The following FRZB variants were observed in gnomAD, a reference collection of about 807,000 sequenced individuals.
FRZB encodes the protein secreted frizzled-related protein 3.
Under a neutral mutation model 32.5 loss-of-function variants are expected in FRZB, and 34 were observed. That is an observed-to-expected ratio of 1.05 (90% CI 0.80 to 1.39). The LOEUF (loss-of-function observed/expected upper bound fraction) is 1.39. FRZB is among the 40% of genes most tolerant of loss of function. FRZB has a pLI of 0.00. For missense variants in FRZB, 423 were observed against 424.8 expected (o/e 1.00, Z 0.04); for synonymous variants, 170 against 159.2 (o/e 1.07, Z -0.51).
At chr2:182,850,690 G>C (rs80158525) in intron 2 of FRZB, among the ~76,000 whole-genome samples, 2,972 of 152,162 alleles carry the variant, frequency 0.02, 104 homozygotes, top group African/African-American at 0.067. Flanking sequence ...GTAAACATTG[G>C]AATACAGATA....
intron 3 of FRZB, 127 bp from the exon 4 acceptor site, chr2:182,838,740 A>C: frequency 1.4e-6 from 1 of 738,968 alleles, no homozygotes; most frequent in Non-Finnish European, 2.2e-6. Flanking sequence ...ATGGAACAGA[A>C]AAGTCAGCCA....
intron 1 of FRZB, among the ~76,000 whole-genome samples, chr2:182,860,195 A>T (rs1220720448): frequency 6.6e-6 from 1 of 152,236 alleles, no homozygotes; most frequent in Non-Finnish European, 1.5e-5. Flanking sequence ...CTACGCTTTT[A>T]CAAATGCTTA....
chr2:182,834,967 T>A lies in FRZB; in HGVS notation c.862-2A>T. 1 of 1,595,326 alleles carries A rather than the reference T, an allele frequency of 6.3e-7. No individual in the cohort carries two copies. Among genetic ancestry groups the A allele is most frequent in the Non-Finnish European group, 8.6e-7 (1 of 1,163,442 alleles). ...ATGACGAAGCTTCATATCCCAGCGC[T>A]GTGAAATTTAAAATAGAAAATAGTC... On this transcript the variant is annotated splice_acceptor_variant, in intron 5 of 5. Coordinates refer to ENST00000295113, the MANE Select transcript of FRZB (RefSeq NM_001463.4). LOFTEE classifies it high-confidence loss of function.
chr2:182,848,965 C>T (rs1396377405), intron 2 of FRZB, among the ~76,000 whole-genome samples: 5 of 152,128 alleles, frequency 3.3e-5, no homozygotes, highest in Non-Finnish European at 5.9e-5. Flanking sequence ...CGGTGGCTCA[C>T]GTCTGTAATC....
At chr2:182,841,884 G>C (rs1002923901) in intron 3 of FRZB, among the ~76,000 whole-genome samples, 4 of 152,126 alleles carry the variant, frequency 2.6e-5, no homozygotes. Flanking sequence ...TAATCCTTCA[G>C]TTAAGTTTGT....
At chr2:182,855,070 T>C (rs151314344) in intron 2 of FRZB, among the ~76,000 whole-genome samples, 2,627 of 152,224 alleles carry the variant, frequency 0.017, 29 homozygotes, top group Non-Finnish European at 0.027. Context: ...GTGGGATAGA[T>C]ATGGAAGGTA....
rs976666169 is a variant in FRZB, at chr2:182,866,637, T to G, written c.-85A>C. The G allele has an allele frequency of 1.2e-5, 12 of 980,732 alleles. No homozygotes were observed. The highest frequency in any genetic ancestry group is 1.6e-5 in the Non-Finnish European group (11 of 695,614). 60.8% of individuals were successfully genotyped at this position (980,732 alleles called of 1,614,324 possible). The stretch of plus-strand genomic sequence containing the variant: ...CCGTCTCCGCCTCCCCCGCTGCAAG[T>G]GGACACAAGGATCTGGGAGCTTCTC... On this transcript the variant is annotated 5_prime_UTR_variant, in exon 1 of 6. Transcript: ENST00000295113. This position sits in a 1 kb window ranked among gnomAD's most constrained non-coding sequence, Gnocchi z 4.5.
intron 2 of FRZB, among the ~76,000 whole-genome samples, chr2:182,845,889 T>C (rs906239320): frequency 1.3e-5 from 2 of 152,212 alleles, no homozygotes; most frequent in East Asian, 1.9e-4. Flanking sequence ...CATAGAAACA[T>C]GAGTTTATCA....
chr2:182,846,222 C>G (rs1360493380), intron 2 of FRZB, among the ~76,000 whole-genome samples: 1 of 152,120 alleles, frequency 6.6e-6, no homozygotes, highest in Non-Finnish European at 1.5e-5. Context: ...ACTCACTGGA[C>G]TGTCACTATT....
intron 2 of FRZB, among the ~76,000 whole-genome samples, chr2:182,858,351 T>G (rs1695792972): frequency 6.6e-6 from 1 of 152,176 alleles, no homozygotes; most frequent in African/African-American, 2.4e-5. Flanking sequence ...ATGCAGCAAT[T>G]GGTTAAGTCT....
At chr2:182,837,358 T>C (rs764908218) in intron 5 of FRZB, among the ~76,000 whole-genome samples, 1 of 152,086 alleles carries the variant, frequency 6.6e-6, no homozygotes, top group Admixed American at 6.6e-5. Flanking sequence ...AATTGCTGTT[T>C]ATTCATCGGA....
chr2:182,847,485 A>G (rs560222374), intron 2 of FRZB, among the ~76,000 whole-genome samples: 89 of 152,326 alleles, frequency 5.8e-4, no homozygotes, highest in African/African-American at 2.0e-3. Flanking sequence ...CAGAGAGAAA[A>G]GGGTCCACTA....
chr2:182,837,848 T>A (rs1312734682), intron 5 of FRZB, 100 bp downstream of exon 5: 3 of 840,084 alleles, frequency 3.6e-6, no homozygotes, highest in Non-Finnish European at 3.9e-6. Flanking sequence ...ATATTTCTCA[T>A]ATGGTTGAAG....
At chr2:182,863,471 G>T (rs1179194649) in intron 1 of FRZB, among the ~76,000 whole-genome samples, 1 of 152,230 alleles carries the variant, frequency 6.6e-6, no homozygotes, top group African/African-American at 2.4e-5. Flanking sequence ...ATTTCAGTAA[G>T]ACTGCTTTGT....
chr2:182,856,307 TA>T (rs1023105815), intron 2 of FRZB, among the ~76,000 whole-genome samples: 7 of 151,638 alleles, frequency 4.6e-5, no homozygotes, highest in Non-Finnish European at 7.4e-5. Flanking sequence ...ATGTAATTGT[TA>T]AAAGAAAAAA....
chr2:182,842,600 G>T, intron 2 of FRZB, 57 bp from the exon 3 acceptor site: 1 of 1,404,854 alleles, frequency 7.1e-7, no homozygotes. Context: ...CTTTTGTTTT[G>T]CTCAGACTCA....
intron 3 of FRZB, 38 bp from the exon 4 acceptor site, chr2:182,838,651 C>T: frequency 1.9e-6 from 3 of 1,539,152 alleles, no homozygotes; most frequent in Admixed American, 1.7e-5. Flanking sequence ...AATAATATGA[C>T]ACATAATAGC....
chr2:182,844,950 T>C (rs1013737947), intron 2 of FRZB, among the ~76,000 whole-genome samples: 2 of 152,158 alleles, frequency 1.3e-5, no homozygotes, highest in African/African-American at 4.8e-5. Flanking sequence ...TGGGACAATA[T>C]GTCCCAATCC....
chr2:182,842,931 C>A (rs1190348095), intron 2 of FRZB, among the ~76,000 whole-genome samples: 2 of 152,106 alleles, frequency 1.3e-5, no homozygotes, highest in Admixed American at 6.6e-5. Context: ...AGCTGGTTTG[C>A]CCTGTGGACT....
Sources: allele counts gnomAD v4.1 joint callset (sites outside exome capture counted in the v4.1 genomes callset), GRCh38; gene constraint gnomAD v4.1.1; non-coding constraint Gnocchi (gnomAD v3.1); transcripts MANE v1.5; gene names NCBI Gene and HGNC (gene_info 2026-07-23, HGNC 2026-07-21).